Variants in SYNE1 observed in about 807,000 individuals in gnomAD.
SYNE1 encodes the protein nesprin-1.
SYNE1 carries 616 observed loss-of-function variants against 1,111.0 expected under a neutral mutation model. That is an observed-to-expected ratio of 0.55 (90% CI 0.52 to 0.59). The LOEUF is 0.59. Ranked by LOEUF, SYNE1 falls within the 20% of genes least tolerant of loss-of-function variation. SYNE1 has a pLI of 0.00. For missense variants in SYNE1, 10,006 were observed against 10,417.0 expected (o/e 0.96, Z 1.72); for synonymous variants, 3,855 against 3,825.8 (o/e 1.01, Z -0.28).
chr6:152,568,258 AAT>A (rs1002642260), intron 3 of SYNE1, among the ~76,000 whole-genome samples: 1 of 151,554 alleles, frequency 6.6e-6, no homozygotes, highest in African/African-American at 2.4e-5. Context: ...ATGTGCTAAA[AAT>A]ATGAGTTAAA....
intron 52 of SYNE1, 102 bp from the exon 53 acceptor site, chr6:152,390,554 C>A: frequency 8.2e-7 from 1 of 1,213,584 alleles, no homozygotes; most frequent in Non-Finnish European, 1.2e-6. Flanking sequence ...GAATACTTTA[C>A]TTACCTTAAA....
chr6:152,294,244 A>G (rs760749107), intron 93 of SYNE1, 117 bp from the exon 94 acceptor site: 4 of 965,882 alleles, frequency 4.1e-6, no homozygotes, highest in Non-Finnish European at 6.3e-6. Context: ...TTCATGGGGC[A>G]CTACAAACTA....
At chr6:152,295,355 A>G (rs533647615) in intron 93 of SYNE1, among the ~76,000 whole-genome samples, 1 of 152,128 alleles carries the variant, frequency 6.6e-6, no homozygotes, top group South Asian at 2.1e-4. Context: ...TAACCCTGTC[A>G]CTGTCTTGAG....
At chr6:152,424,474 A>C (rs1592404089) in intron 39 of SYNE1, among the ~76,000 whole-genome samples, 1 of 152,314 alleles carries the variant, frequency 6.6e-6, no homozygotes, top group Non-Finnish European at 1.5e-5. Context: ...CTTTCCGTAA[A>C]TTTCTGAAAC....
Position 152,590,763 on chromosome 6 carries a change from CA to C in SYNE1, c.67+37501del, listed in dbSNP as rs374513875. Among the ~76,000 whole-genome samples, 284 of 152,322 alleles carry C rather than the reference CA, an allele frequency of 1.9e-3. 1 individual carries two copies. Among genetic ancestry groups the C allele is most frequent in the African/African-American group, 6.6e-3 (274 of 41,578 alleles). On this transcript the variant is annotated intron_variant, in intron 3 of 145. Transcript: ENST00000367255. The stretch of plus-strand genomic sequence containing the variant: ...TGCTAGTTCTCTGCCTGCCAATGGA[CA>C]ATCTAATTCACTTTTCCTTTGAAAC...
intron 61 of SYNE1, 55 bp downstream of exon 61, chr6:152,368,917 C>T: frequency 6.2e-7 from 1 of 1,612,730 alleles, no homozygotes; most frequent in African/African-American, 1.3e-5. Context: ...CCTGCTGCAA[C>T]TCCAATTTTG....
chr6:152,235,379 G>A (rs9397494), intron 110 of SYNE1, among the ~76,000 whole-genome samples: 36,095 of 152,110 alleles, frequency 0.24, 4,588 homozygotes, highest in East Asian at 0.51. Context: ...TTTTGTTTTT[G>A]AGATGGAGTT....
chr6:152,243,007 T>C (rs1318287014), intron 106 of SYNE1, among the ~76,000 whole-genome samples: 1 of 152,190 alleles, frequency 6.6e-6, no homozygotes, highest in African/African-American at 2.4e-5. Context: ...AAGATATGTC[T>C]ATAAAAAATA....
At chr6:152,276,103 C>T (rs531852598) in intron 98 of SYNE1, among the ~76,000 whole-genome samples, 3 of 144,258 alleles carry the variant, frequency 2.1e-5, no homozygotes, top group South Asian at 4.4e-4. Flanking sequence ...GGCACAATCT[C>T]GGCTCACTGC....
At position 152,147,350 on chromosome 6, in the gene SYNE1, T is replaced by A. The variant is rs2059688516; in HGVS notation, c.24976+695A>T. On this transcript the variant is annotated intron_variant, in intron 137 of 145. Coordinates refer to ENST00000367255, the MANE Select transcript of SYNE1 (RefSeq NM_182961.4). Reference sequence around the variant, plus strand: ...CTGTGGTATCCAGAAAGATACAATATGAAAATCTGCACATCCCTGAGGAGG... The same window carrying A: ...CTGTGGTATCCAGAAAGATACAATAAGAAAATCTGCACATCCCTGAGGAGG... 2.0e-5 allele frequency: 3 copies of A among 152,250 alleles called. No individual in the cohort carries two copies. In the South Asian group the frequency reaches 6.2e-4, roughly 32 times the overall value. The allele number at this position is 152,250 out of a possible 1,614,324, so 9.4% of individuals were successfully genotyped here.
intron 3 of SYNE1, among the ~76,000 whole-genome samples, chr6:152,603,586 A>C (rs1201229061): frequency 1.3e-5 from 2 of 151,996 alleles, no homozygotes; most frequent in African/African-American, 4.8e-5. Context: ...GTTTGGCTGC[A>C]TTTGAAGAAA....
chr6:152,629,478 T>A (rs1234979531), intron 2 of SYNE1, among the ~76,000 whole-genome samples: 1 of 119,906 alleles, frequency 8.3e-6, no homozygotes, highest in Non-Finnish European at 1.6e-5. Flanking sequence ...ACTGTTGGGA[T>A]TACAGGTGTG....
intron 11 of SYNE1, among the ~76,000 whole-genome samples, chr6:152,490,788 C>A (rs2098966162): frequency 6.6e-6 from 1 of 152,144 alleles, no homozygotes; most frequent in South Asian, 2.1e-4. Context: ...TTCAGGAGAC[C>A]AGTCCCCTGT....
rs1296786670 is a variant in SYNE1, at chr6:152,326,648, T to C, written c.14956-15A>G. 2.5e-6 allele frequency: 4 copies of C among 1,609,212 alleles called. No homozygotes were observed. The highest frequency in any genetic ancestry group is 2.7e-5 in the African/African-American group (2 of 74,880). Reference sequence around the variant, plus strand: ...GTCAAGGTAGCCTGAAAAACAGCAATTGCAAACATAATCAACTCTCCTTTG... The same window carrying C: ...GTCAAGGTAGCCTGAAAAACAGCAACTGCAAACATAATCAACTCTCCTTTG... On this transcript the variant is annotated splice_polypyrimidine_tract_variant and intron_variant, in intron 78 of 145. Transcript: ENST00000367255.
At position 152,325,198 on chromosome 6, in the gene SYNE1, C is replaced by G. The variant is rs2096025633; in HGVS notation, c.15543G>C (p.Leu5181=). The G allele has an allele frequency of 6.2e-7, 1 of 1,614,010 alleles. No homozygotes were observed. Among genetic ancestry groups the G allele is most frequent in the Non-Finnish European group, 8.5e-7 (1 of 1,180,054 alleles). ...GCCAGACGGTGGTCATTGACCTGCT[C>G]AGGGTGGCTTTGCTGGCATCATTTC... The part of the protein sequence containing the change: ...KTGNDASKAT[L]SRSMTTVWQR... The change falls in exon 81 of 146, where the codon CTG becomes CTC. Residue 5181 remains leucine, a synonymous_variant. Coordinates refer to ENST00000367255, the MANE Select transcript of SYNE1 (RefSeq NM_182961.4).
intron 45 of SYNE1, among the ~76,000 whole-genome samples, chr6:152,405,511 A>T (rs1159723082): frequency 1.3e-5 from 2 of 152,262 alleles, no homozygotes; most frequent in African/African-American, 4.8e-5. Flanking sequence ...GATATGTAGA[A>T]GAATAATGAA....
At chr6:152,500,718 G>A (rs533652410) in intron 10 of SYNE1, among the ~76,000 whole-genome samples, 1 of 152,012 alleles carries the variant, frequency 6.6e-6, no homozygotes, top group Non-Finnish European at 1.5e-5. Flanking sequence ...GGGAGGCCGA[G>A]GTGAGAGGAT....
chr6:152,485,885 T>C lies in SYNE1; in HGVS notation c.1048-913A>G, dbSNP rs1465768017. ...AAGGTTTTCTTTCATTTTCTCTAAC[T>C]GAATGGAATTTTAAAAATACCAAAA... On this transcript the variant is annotated intron_variant, in intron 12 of 145. Transcript: ENST00000367255. Among the ~76,000 whole-genome samples the C allele has an allele frequency of 2.6e-5, 4 of 152,166 alleles. No homozygotes were observed. In the East Asian group the frequency reaches 7.7e-4, roughly 29 times the overall value.
intron 129 of SYNE1, chr6:152,179,266 C>T (rs1395256378): frequency 6.6e-6 from 1 of 151,984 alleles, no homozygotes; most frequent in Non-Finnish European, 1.5e-5. Flanking sequence ...TTTATATAGA[C>T]ATCAGAAATG....
Sources: allele counts gnomAD v4.1 joint callset (sites outside exome capture counted in the v4.1 genomes callset), GRCh38; gene constraint gnomAD v4.1.1; transcripts MANE v1.5; gene names NCBI Gene and HGNC (gene_info 2026-07-23, HGNC 2026-07-21).